Variants in OTUD7A observed in about 807,000 individuals in gnomAD.
OTUD7A encodes the protein OTU domain-containing protein 7A.
A neutral mutation model predicts 65.7 loss-of-function variants in OTUD7A; 12 were observed. The ratio of observed to expected loss-of-function variants is 0.18; its 90% CI spans 0.12 to 0.30. The LOEUF is 0.30. Among genes scored for constraint, OTUD7A ranks in the 10% least tolerant of loss-of-function variants. The pLI, the probability that OTUD7A is intolerant of heterozygous loss-of-function variation, is 1.00. For synonymous variants in OTUD7A, 641 were observed against 586.3 expected, an observed-to-expected ratio of 1.09 and a Z score of -1.35; for missense variants, 1,148 against 1,304.8, an observed-to-expected ratio of 0.88 and a Z score of 1.85.
intron 8 of OTUD7A, among the ~76,000 whole-genome samples, chr15:31,505,343 G>C (rs1483639537): frequency 6.6e-6 from 1 of 152,214 alleles, no homozygotes; most frequent in Non-Finnish European, 1.5e-5. Flanking sequence ...ACTAGTATAA[G>C]TATGCTAGGG....
chr15:31,722,039 G>T (rs527397933), intron 1 of OTUD7A, among the ~76,000 whole-genome samples: 1 of 152,348 alleles, frequency 6.6e-6, no homozygotes, highest in Non-Finnish European at 1.5e-5. Flanking sequence ...TTAGACTAAG[G>T]GAGGATCTGC....
intron 1 of OTUD7A, among the ~76,000 whole-genome samples, chr15:31,760,805 A>C (rs1894941015): frequency 6.6e-6 from 1 of 152,192 alleles, no homozygotes; most frequent in Non-Finnish European, 1.5e-5. Context: ...AATTTATGAT[A>C]AATCCACAAT....
At chr15:31,625,194 G>A (rs1890914481) in intron 3 of OTUD7A, among the ~76,000 whole-genome samples, 1 of 152,152 alleles carries the variant, frequency 6.6e-6, no homozygotes, top group Non-Finnish European at 1.5e-5. Flanking sequence ...GCAGCCCTGC[G>A]AGTGGGGATG....
At chr15:31,725,044 A>G (rs1004077393) in intron 1 of OTUD7A, among the ~76,000 whole-genome samples, 7 of 152,186 alleles carry the variant, frequency 4.6e-5, no homozygotes, top group Non-Finnish European at 7.3e-5. Context: ...CGGGAGCCTC[A>G]TGTAGCAGAG....
intron 1 of OTUD7A, among the ~76,000 whole-genome samples, chr15:31,657,525 T>G (rs34394441): frequency 1.0e-5 from 1 of 97,324 alleles, no homozygotes; most frequent in Admixed American, 1.1e-4. Flanking sequence ...GCCCAGCTAA[T>G]TTTTTTTTTG....
chr15:31,477,034 G>C lies in OTUD7A; in HGVS notation c.*6260C>G, dbSNP rs974002079. The C allele has an allele frequency of 6.6e-6, 1 of 152,348 alleles. No individual in the cohort carries two copies. The highest frequency in any genetic ancestry group is 1.5e-5 in the Non-Finnish European group (1 of 68,114). The allele number at this position is 152,348 out of a possible 1,614,324, so 9.4% of individuals were successfully genotyped here. Reference sequence around the variant, plus strand: ...GTGTTGCTTGGCTCTGTGGTGTCAAGGCCCTGACCTTCCAGTGCACCTCCA... The same window carrying C: ...GTGTTGCTTGGCTCTGTGGTGTCAACGCCCTGACCTTCCAGTGCACCTCCA... On this transcript the variant is annotated 3_prime_UTR_variant, in exon 13 of 13. Coordinates refer to ENST00000307050, the MANE Select transcript of OTUD7A (RefSeq NM_001382637.1).
intron 5 of OTUD7A, chr15:31,557,748 T>C (rs777721720): frequency 2.0e-5 from 3 of 152,238 alleles, no homozygotes; most frequent in Non-Finnish European, 4.4e-5. Flanking sequence ...AGGGTCCTGA[T>C]TGGTCCATCC....
intron 5 of OTUD7A, among the ~76,000 whole-genome samples, chr15:31,535,641 T>C (rs1887769546): frequency 6.6e-6 from 1 of 151,188 alleles, no homozygotes; most frequent in African/African-American, 2.4e-5. Context: ...CTGAAATAAA[T>C]AGCCATTGGG....
chr15:31,620,464 A>G (rs1483777617), intron 3 of OTUD7A, among the ~76,000 whole-genome samples: 3 of 151,906 alleles, frequency 2.0e-5, no homozygotes, highest in Non-Finnish European at 4.4e-5. Flanking sequence ...TGGTCTATTC[A>G]GAGATTCAAC....
chr15:31,568,350 G>A (rs1888942476), intron 4 of OTUD7A, among the ~76,000 whole-genome samples: 1 of 152,254 alleles, frequency 6.6e-6, no homozygotes, highest in South Asian at 2.1e-4. Context: ...TTTTGAACTT[G>A]TGTGAGGCCT....
intron 1 of OTUD7A, among the ~76,000 whole-genome samples, chr15:31,696,104 T>C (rs1380779447): frequency 6.6e-6 from 1 of 151,352 alleles, no homozygotes; most frequent in Non-Finnish European, 1.5e-5. Flanking sequence ...TGGGGAAGGA[T>C]TTGGTGTAGC....
intron 3 of OTUD7A, among the ~76,000 whole-genome samples, chr15:31,651,572 AACAC>A (rs60554390): frequency 0.016 from 2,216 of 140,840 alleles, 35 homozygotes; most frequent in African/African-American, 0.032. Flanking sequence ...AATCCCAAGG[AACAC>A]ACACACACAC....
intron 1 of OTUD7A, among the ~76,000 whole-genome samples, chr15:31,682,211 G>C (rs548379362): frequency 1.1e-4 from 17 of 152,252 alleles, no homozygotes; most frequent in Middle Eastern, 6.8e-3. Flanking sequence ...TCTAACTAAG[G>C]AATTCACAAA....
chr15:31,585,260 C>T (rs942590460), intron 3 of OTUD7A, among the ~76,000 whole-genome samples: 2 of 152,234 alleles, frequency 1.3e-5, no homozygotes, highest in Non-Finnish European at 2.9e-5. Flanking sequence ...TTGGGAACAG[C>T]CTGGAATGGC....
At chr15:31,756,456 T>C (rs888196079) in intron 1 of OTUD7A, among the ~76,000 whole-genome samples, 1 of 152,138 alleles carries the variant, frequency 6.6e-6, no homozygotes, top group African/African-American at 2.4e-5. Context: ...GAGAAGGCCA[T>C]AAAGTCAGTG....
At chr15:31,503,392 T>TGTGG in intron 9 of OTUD7A, among the ~76,000 whole-genome samples, 1 of 151,868 alleles carries the variant, frequency 6.6e-6, no homozygotes, top group East Asian at 1.9e-4. Flanking sequence ...GTTGGAGGGG[T>TGTGG]GTGGGCTGTC....
intron 1 of OTUD7A, among the ~76,000 whole-genome samples, chr15:31,763,885 A>G (rs1895036615): frequency 1.3e-5 from 2 of 152,210 alleles, no homozygotes; most frequent in African/African-American, 4.8e-5. Flanking sequence ...AACATTTTTA[A>G]AGGAATGAAA....
intron 3 of OTUD7A, among the ~76,000 whole-genome samples, chr15:31,599,379 A>G (rs1890006620): frequency 6.6e-6 from 1 of 152,278 alleles, no homozygotes; most frequent in East Asian, 1.9e-4. Flanking sequence ...TCTGGAGTGG[A>G]CCTCCAGCAA....
intron 1 of OTUD7A, among the ~76,000 whole-genome samples, chr15:31,754,472 T>C (rs1474931302): frequency 6.6e-6 from 1 of 152,244 alleles, no homozygotes; most frequent in Non-Finnish European, 1.5e-5. Context: ...TGTTATCTTT[T>C]AGAATTTTTA....
Sources: allele counts gnomAD v4.1 joint callset (sites outside exome capture counted in the v4.1 genomes callset), GRCh38; gene constraint gnomAD v4.1.1; transcripts MANE v1.5; gene names NCBI Gene and HGNC (gene_info 2026-07-23, HGNC 2026-07-21).